MYOCD: variants seen among roughly 807,000 people sequenced by gnomAD.
MYOCD encodes the protein myocardin.
A neutral mutation model predicts 96.1 loss-of-function variants in MYOCD; 32 were observed. The ratio of observed to expected loss-of-function variants is 0.33; its 90% confidence interval spans 0.25 to 0.45. The LOEUF (loss-of-function observed/expected upper bound fraction) is 0.45, where lower values mean the gene tolerates loss of function less well. Ranked by LOEUF, MYOCD falls within the 20% of genes least tolerant of loss-of-function variation. The pLI is 1.00. For synonymous variants in MYOCD, 469 were observed against 469.0 expected (o/e 1.00, Z 0.00); for missense variants, 1,133 against 1,200.6 (o/e 0.94, Z 0.83).
chr17:12,690,649 T>C (rs2030400898), intron 1 of MYOCD, among the ~76,000 whole-genome samples: 1 of 152,204 alleles, frequency 6.6e-6, no homozygotes, highest in South Asian at 2.1e-4. Flanking sequence ...CAAACATACT[T>C]CTTTTCTCAG....
chr17:12,723,420 C>A (rs1449796427), intron 5 of MYOCD, among the ~76,000 whole-genome samples: 4 of 152,108 alleles, frequency 2.6e-5, no homozygotes, highest in African/African-American at 9.7e-5. Flanking sequence ...TCCAGTTGCC[C>A]AATTCACTTC....
chr17:12,754,265 T>C (rs1191277009), intron 10 of MYOCD, among the ~76,000 whole-genome samples: 1 of 151,922 alleles, frequency 6.6e-6, no homozygotes, highest in Non-Finnish European at 1.5e-5. Flanking sequence ...CCACCATGCC[T>C]GGCTATTTTT....
chr17:12,764,505 G>A lies in MYOCD; in HGVS notation c.*861G>A, dbSNP rs779532333. ...CCAAAGACTAGAGATGACCACATTGGTAGAAGTATATCTCGAGGCACAGGA... is the reference window on the plus strand; with the variant it reads ...CCAAAGACTAGAGATGACCACATTGATAGAAGTATATCTCGAGGCACAGGA... On this transcript the variant is annotated 3_prime_UTR_variant, in exon 14 of 14. Coordinates refer to ENST00000425538, the MANE Select transcript of MYOCD (RefSeq NM_001146312.3). 1.2e-4 allele frequency: 18 copies of A among 152,220 alleles called. No individual in the cohort carries two copies. The highest frequency in any genetic ancestry group is 2.2e-4 in the Non-Finnish European group (15 of 68,070). 9.4% of individuals were successfully genotyped at this position (152,220 alleles called of 1,614,324 possible).
Position 12,666,102 on chromosome 17 carries a change from T to C in MYOCD, c.-87T>C. ...GTTGGATGAATTCTGGGTTGTTAGCTGCGGTCAGCTGGGCTCCCGGGAGCC... is the reference window on the plus strand; with the variant it reads ...GTTGGATGAATTCTGGGTTGTTAGCCGCGGTCAGCTGGGCTCCCGGGAGCC... On this transcript the variant is annotated 5_prime_UTR_variant, in exon 1 of 14. Coordinates refer to ENST00000425538, the MANE Select transcript of MYOCD (RefSeq NM_001146312.3). 1 of 954,478 alleles carries C rather than the reference T, an allele frequency of 1.0e-6. No individual in the cohort carries two copies. Among genetic ancestry groups the C allele is most frequent in the Middle Eastern group, 2.7e-4 (1 of 3,674 alleles). The allele number at this position is 954,478 out of a possible 1,614,324, so 59.1% of individuals were successfully genotyped here. A position where few individuals can be genotyped will look rare whatever the true frequency, so the allele number is the denominator to read the frequency against.
intron 9 of MYOCD, 125 bp from the exon 10 acceptor site, chr17:12,752,289 A>G: frequency 3.9e-6 from 3 of 769,582 alleles, no homozygotes; most frequent in Non-Finnish European, 6.2e-6. Flanking sequence ...ATCGGAAAGA[A>G]GTATAAAAAA....
chr17:12,751,829 T>C (rs1240998723), intron 9 of MYOCD, among the ~76,000 whole-genome samples: 3 of 152,184 alleles, frequency 2.0e-5, no homozygotes, highest in Non-Finnish European at 2.9e-5. Flanking sequence ...AACGTTTATA[T>C]GGAGCCGTGG....
chr17:12,721,493 A>G (rs1399228611), intron 4 of MYOCD, among the ~76,000 whole-genome samples: 3 of 152,200 alleles, frequency 2.0e-5, no homozygotes, highest in Non-Finnish European at 4.4e-5. Flanking sequence ...GATGTTGGTA[A>G]TGGGGAGTGG....
intron 3 of MYOCD, among the ~76,000 whole-genome samples, 160 bp from the exon 4 acceptor site, chr17:12,717,186 T>C (rs2031672347): frequency 6.6e-6 from 1 of 152,140 alleles, no homozygotes; most frequent in Non-Finnish European, 1.5e-5. Flanking sequence ...ATCTAAAAAT[T>C]ACTCGAGGGG....
intron 12 of MYOCD, 71 bp from the exon 13 acceptor site, chr17:12,760,579 G>C (rs2033141796): frequency 7.7e-7 from 1 of 1,296,698 alleles, no homozygotes; most frequent in Admixed American, 1.7e-5. Flanking sequence ...TTGCAGTGCT[G>C]CTTCTAATGA....
chr17:12,752,083 G>C (rs933179306), intron 9 of MYOCD, among the ~76,000 whole-genome samples: 1 of 152,142 alleles, frequency 6.6e-6, no homozygotes, highest in Non-Finnish European at 1.5e-5. Context: ...AACCCAGGCA[G>C]ATATGTTTTC....
In MYOCD at chr17:12,722,856, C is replaced by A. The variant is rs751096853; in HGVS notation, c.263C>A (p.Ala88Glu). The A allele has an allele frequency of 5.0e-5, 80 of 1,612,472 alleles. 2 individuals carry two copies. In the South Asian group the frequency reaches 8.1e-4, roughly 16 times the overall value. The change falls in exon 5 of 14, where the codon GCA becomes GAA. Residue 88 changes from alanine (A) to glutamate (E), a missense_variant. Ala to Glu is a moderately radical substitution (Grantham distance 107). Transcript: ENST00000425538. ...CATTTCAACCCTTTAGCTTCCACTG[C>A]AGAGAGGTCCATTCCAACTGCTCAG... ...VNMHILQAST[A>E]ERSIPTAQMK...
intron 10 of MYOCD, among the ~76,000 whole-genome samples, chr17:12,756,103 G>A (rs769408062): frequency 4.6e-5 from 7 of 152,138 alleles, no homozygotes; most frequent in Admixed American, 2.0e-4. Context: ...GCATGCTGCC[G>A]GAGGTCCATG....
intron 5 of MYOCD, among the ~76,000 whole-genome samples, chr17:12,726,122 A>C (rs2031991930): frequency 6.6e-6 from 1 of 152,184 alleles, no homozygotes; most frequent in African/African-American, 2.4e-5. Flanking sequence ...CAGCTTAACA[A>C]GAAAGGTGTA....
At chr17:12,727,473 C>G (rs1372983066) in intron 5 of MYOCD, among the ~76,000 whole-genome samples, 1 of 152,160 alleles carries the variant, frequency 6.6e-6, no homozygotes, top group African/African-American at 2.4e-5. Context: ...CTGTATGTCA[C>G]TTCTTGTGAT....
Position 12,701,708 on chromosome 17 carries a change from ATAAGTTGTAATATGGGT to A in MYOCD, c.56-3417_56-3401del, listed in dbSNP as rs567458211. 2.0e-5 allele frequency among the ~76,000 whole-genome samples: 3 copies of A among 152,194 alleles called. No individual in the cohort carries two copies. In the East Asian group the frequency reaches 5.8e-4, roughly 29 times the overall value. Reference sequence around the variant, plus strand: ...CTCATCACTGCTTTAGCTGTATCTCATAAGTTGTAATATGGGTTATGGGAAATTATGATATGAAGTAG... The same window carrying A: ...CTCATCACTGCTTTAGCTGTATCTCATATGGGAAATTATGATATGAAGTAG... On this transcript the variant is annotated intron_variant, in intron 1 of 13. Coordinates refer to ENST00000425538, the MANE Select transcript of MYOCD (RefSeq NM_001146312.3).
Position 12,763,294 on chromosome 17 carries a change from G to A in MYOCD, c.2611G>A (p.Val871Ile), listed in dbSNP as rs1029955949. ...GAGCCCCCTAGGAAAGATGAGTGAT[G>A]TCACCCTTCTAAAAATTGGGAGCGA... ...SQSPLGKMSD[V>I]TLLKIGSEEP... Residue 871 changes from valine to isoleucine, a missense_variant, in exon 14 of 14, where the codon GTC (valine) becomes ATC (isoleucine). Val to Ile is a conservative substitution (Grantham distance 29). Transcript: ENST00000425538. 4 of 1,610,432 alleles carry A rather than the reference G, an allele frequency of 2.5e-6. No individual in the cohort carries two copies. The highest frequency in any genetic ancestry group is 3.4e-6 in the Non-Finnish European group (4 of 1,178,714).
intron 13 of MYOCD, 190 bp downstream of exon 13, chr17:12,760,897 C>T: frequency 1.8e-6 from 1 of 565,732 alleles, no homozygotes; most frequent in Non-Finnish European, 3.2e-6. Flanking sequence ...TGGATGATTC[C>T]TCACTGCCTT....
intron 1 of MYOCD, among the ~76,000 whole-genome samples, chr17:12,676,245 G>GCA (rs36211306): frequency 0.011 from 1,654 of 145,574 alleles, 26 homozygotes; most frequent in African/African-American, 0.037. Flanking sequence ...GCGCGCGCAC[G>GCA]CACACACACA....
At chr17:12,696,660 G>T in intron 1 of MYOCD, among the ~76,000 whole-genome samples, 1 of 152,110 alleles carries the variant, frequency 6.6e-6, no homozygotes, top group East Asian at 1.9e-4. Context: ...GAATTATCTT[G>T]CCTGTTTCTG....
Sources: allele counts gnomAD v4.1 joint callset (sites outside exome capture counted in the v4.1 genomes callset), GRCh38; gene constraint gnomAD v4.1.1; transcripts MANE v1.5; gene names NCBI Gene and HGNC (gene_info 2026-07-23, HGNC 2026-07-21).